Variants in OPA1 observed in about 807,000 individuals in gnomAD.
OPA1 encodes the protein OPA1 mitochondrial dynamin like GTPase.
Under a neutral mutation model 152.9 loss-of-function variants are expected in OPA1, and 59 were observed. The observed-to-expected ratio is 0.39, with a 90% CI of 0.31 to 0.48. The LOEUF (loss-of-function observed/expected upper bound fraction) is 0.48, where lower values mean the gene tolerates loss of function less well. OPA1 is among the 20% of genes least tolerant of loss of function. The probability of loss-of-function intolerance (pLI) is 0.96; values close to 1 mark genes in which losing one functional copy is unlikely to be tolerated. For synonymous variants in OPA1, 400 were observed against 389.9 expected (o/e 1.03, Z -0.31); for missense variants, 1,008 against 1,216.8 (o/e 0.83, Z 2.55).
intron 23 of OPA1, among the ~76,000 whole-genome samples, chr3:193,657,794 A>G (rs993226510): frequency 1.2e-4 from 19 of 152,136 alleles, no homozygotes; most frequent in Admixed American, 2.0e-4. Context: ...CACCTGATAA[A>G]TCTTTTGTTA....
chr3:193,594,297 T>G (rs1411966733), intron 1 of OPA1, among the ~76,000 whole-genome samples: 3 of 152,222 alleles, frequency 2.0e-5, no homozygotes, highest in African/African-American at 7.2e-5. Context: ...CTGAATTAAC[T>G]TCTAAGCAGT....
At chr3:193,623,069 T>C (rs149408036) in intron 6 of OPA1, among the ~76,000 whole-genome samples, 1 of 152,296 alleles carries the variant, frequency 6.6e-6, no homozygotes, top group East Asian at 1.9e-4. Context: ...AATAATGTAG[T>C]AACTGGAAAT....
At chr3:193,663,287 A>G (rs1158162446) in intron 26 of OPA1, among the ~76,000 whole-genome samples, 3 of 152,148 alleles carry the variant, frequency 2.0e-5, no homozygotes, top group Non-Finnish European at 4.4e-5. Context: ...AGATTGCAAA[A>G]TAGAATTTCT....
chr3:193,606,952 T>C (rs1440156257), intron 1 of OPA1, among the ~76,000 whole-genome samples: 6 of 152,138 alleles, frequency 3.9e-5, no homozygotes, highest in African/African-American at 1.4e-4. Flanking sequence ...TTTTAATGAT[T>C]GCCATTCTAA....
intron 10 of OPA1, 149 bp downstream of exon 10, chr3:193,637,430 AG>A (rs1560363998): frequency 4.2e-6 from 2 of 473,310 alleles, no homozygotes; most frequent in Non-Finnish European, 7.5e-6. Context: ...ACATGTTCCA[AG>A]TAATGTCTTA....
At chr3:193,683,396 C>T (rs186131794) in intron 29 of OPA1, among the ~76,000 whole-genome samples, 1 of 151,072 alleles carries the variant, frequency 6.6e-6, no homozygotes, top group East Asian at 1.9e-4. Context: ...ATTACATAAA[C>T]TTAGTAGATA....
intron 22 of OPA1, 49 bp downstream of exon 22, chr3:193,655,076 G>A: frequency 6.5e-7 from 1 of 1,548,066 alleles, no homozygotes; most frequent in Non-Finnish European, 8.9e-7. Context: ...TCTGAAGGGA[G>A]TAGGAGCTGT....
chr3:193,696,655 A>G lies in OPA1; in HGVS notation c.*2055A>G, dbSNP rs1427313348. The G allele has an allele frequency of 6.6e-6, 1 of 152,216 alleles. No homozygotes were observed. The highest frequency in any genetic ancestry group is 1.5e-5 in the Non-Finnish European group (1 of 68,036). The allele number at this position is 152,216 out of a possible 1,614,324, so 9.4% of individuals were successfully genotyped here. ...ACCCTGTGTCTTGTGTCTGTAGTTC[A>G]AAAGTCAGAAATGATTCTAATTTAA... is the stretch of plus-strand genomic sequence containing the variant. On this transcript the variant is annotated 3_prime_UTR_variant, in exon 31 of 31. Coordinates refer to ENST00000361510, the MANE Select transcript of OPA1 (RefSeq NM_130837.3).
chr3:193,595,915 G>T (rs1379570005), intron 1 of OPA1, among the ~76,000 whole-genome samples: 1 of 152,050 alleles, frequency 6.6e-6, no homozygotes, highest in Admixed American at 6.5e-5. Flanking sequence ...TCTGTTAAAA[G>T]GAAAAGCATA....
intron 29 of OPA1, among the ~76,000 whole-genome samples, chr3:193,676,979 C>CG (rs1560064032): frequency 2.8e-5 from 2 of 70,848 alleles, no homozygotes; most frequent in African/African-American, 5.7e-5. Flanking sequence ...AGACTCGTCT[C>CG]AAAAAAAAAA....
chr3:193,651,673 C>T (rs1185371853), intron 21 of OPA1, among the ~76,000 whole-genome samples: 3 of 151,928 alleles, frequency 2.0e-5, no homozygotes, highest in East Asian at 1.9e-4. Context: ...AGGATGTTGA[C>T]ATGGAAAACT....
chr3:193,631,103 T>C (rs540413901), intron 7 of OPA1, among the ~76,000 whole-genome samples: 2 of 152,336 alleles, frequency 1.3e-5, no homozygotes, highest in South Asian at 2.1e-4. Flanking sequence ...TATTACATAA[T>C]TCGCTACTTA....
Position 193,657,266 on chromosome 3 carries a change from T to A in OPA1, c.2331+34T>A, listed in dbSNP as rs1714079458. ...TTTGTATACTGGGGTATCAGCCTCATATTTTTATATAACTTCTCAAATTGA... is the reference window on the plus strand; with the variant it reads ...TTTGTATACTGGGGTATCAGCCTCAAATTTTTATATAACTTCTCAAATTGA... On this transcript the variant is annotated intron_variant, in intron 23 of 30. Transcript: ENST00000361510. 1.9e-6 allele frequency: 3 copies of A among 1,602,810 alleles called. No homozygotes were observed. In the South Asian group the frequency reaches 3.3e-5, roughly 18 times the overall value.
At chr3:193,653,624 A>T (rs573419190) in intron 21 of OPA1, among the ~76,000 whole-genome samples, 1 of 152,184 alleles carries the variant, frequency 6.6e-6, no homozygotes, top group Non-Finnish European at 1.5e-5. Context: ...ATGATTATGC[A>T]TCTTTTACAT....
chr3:193,667,658 G>A (rs183408545), intron 29 of OPA1, among the ~76,000 whole-genome samples: 7 of 132,246 alleles, frequency 5.3e-5, no homozygotes, highest in South Asian at 2.5e-4. Context: ...GCGACAGGGC[G>A]AGATTCTGTC....
chr3:193,685,924 C>T (rs753841330), intron 29 of OPA1, among the ~76,000 whole-genome samples: 4 of 152,076 alleles, frequency 2.6e-5, no homozygotes, highest in African/African-American at 7.2e-5. Flanking sequence ...ATGAGGTTAA[C>T]GGCGAATACA....
At position 193,615,029 on chromosome 3, in the gene OPA1, C is replaced by T. The variant is rs779836454; in HGVS notation, c.339C>T (p.Tyr113=). ...LILGSAVGGG[Y]TAKKTFDQWK... ...TAGGATCGGCTGTTGGGGGTGGCTA[C>T]ACAGCCAAAAAGGTGAACTTGACAT... The change falls in exon 2 of 31, where the codon TAC becomes TAT. Residue 113 remains tyrosine, a synonymous_variant. Transcript: ENST00000361510. 151 of 1,613,314 alleles carry T rather than the reference C, an allele frequency of 9.4e-5. No individual in the cohort carries two copies. The highest frequency in any genetic ancestry group is 1.3e-4 in the Non-Finnish European group (150 of 1,179,352).
At chr3:193,615,317 A>T (rs1253060365) in intron 2 of OPA1, among the ~76,000 whole-genome samples, 1 of 152,174 alleles carries the variant, frequency 6.6e-6, no homozygotes, top group Non-Finnish European at 1.5e-5. Context: ...AGTAGCACAG[A>T]TGTGAAAGTC....
chr3:193,667,670 CAAA>C (rs35232250), intron 29 of OPA1, among the ~76,000 whole-genome samples: 6 of 93,340 alleles, frequency 6.4e-5, no homozygotes, highest in Middle Eastern at 6.0e-3. Context: ...GATTCTGTCT[CAAA>C]AAAAAAAAAA....
Sources: gnomAD v4.1 joint callset for allele counts (sites outside exome capture counted in the v4.1 genomes callset) on GRCh38, gnomAD v4.1.1 for gene constraint, MANE v1.5 for transcripts, NCBI Gene and HGNC (gene_info 2026-07-23, HGNC 2026-07-21) for gene names.